Variants in TAFA2 observed in about 807,000 individuals in gnomAD.
TAFA2 encodes the protein chemokine-like protein TAFA-2.
TAFA2 carries 7 observed loss-of-function variants against 18.8 expected under a neutral mutation model. The ratio of observed to expected loss-of-function variants is 0.37; its 90% CI spans 0.21 to 0.70. The LOEUF is 0.70. Among genes scored for constraint, TAFA2 ranks in the 30% least tolerant of loss-of-function variants. The pLI is 0.53. For missense variants in TAFA2, 122 were observed against 158.1 expected, an observed-to-expected ratio of 0.77 and a Z score of 1.23; for synonymous variants, 60 against 54.2, an observed-to-expected ratio of 1.11 and a Z score of -0.47.
chr12:62,226,773 ATTC>A (rs1242237480), intron 1 of TAFA2, among the ~76,000 whole-genome samples: 4 of 152,168 alleles, frequency 2.6e-5, no homozygotes, highest in African/African-American at 9.7e-5. Flanking sequence ...TTAGTAATTT[ATTC>A]TTCTTTACTT....
At chr12:61,884,784 G>T (rs1459232878) in intron 1 of TAFA2, among the ~76,000 whole-genome samples, 2 of 151,806 alleles carry the variant, frequency 1.3e-5, no homozygotes, top group Admixed American at 1.3e-4. Flanking sequence ...CTATGATGAG[G>T]GTTACAATAA....
rs558928162 is a variant in TAFA2, at chr12:61,930,121, G to A, written c.-1-62695C>T. Among the ~76,000 whole-genome samples, 138 of 151,972 alleles carry A rather than the reference G, an allele frequency of 9.1e-4. 1 individual carries two copies. Among genetic ancestry groups the A allele is most frequent in the African/African-American group, 3.1e-3 (130 of 41,428 alleles). On this transcript the variant is annotated intron_variant, in intron 1 of 4. Transcript: ENST00000416284. The stretch of plus-strand genomic sequence containing the variant: ...GTATACATATGTAACAAGCCTACAC[G>A]TTGTGCACATGTACCCTAGAACTTT...
intron 1 of TAFA2, among the ~76,000 whole-genome samples, chr12:61,974,539 T>A (rs566893119): frequency 4.0e-5 from 6 of 151,836 alleles, no homozygotes; most frequent in Non-Finnish European, 8.8e-5. Flanking sequence ...CAATGGAAGT[T>A]TTAAGTATCA....
chr12:62,239,150 G>A (rs1399485869), intron 1 of TAFA2, among the ~76,000 whole-genome samples: 1 of 152,022 alleles, frequency 6.6e-6, no homozygotes, highest in Admixed American at 6.6e-5. Context: ...CTCCCTGACT[G>A]TTCAATCTAT....
At chr12:61,920,484 C>A (rs1437841146) in intron 1 of TAFA2, among the ~76,000 whole-genome samples, 1 of 152,088 alleles carries the variant, frequency 6.6e-6, no homozygotes, top group Admixed American at 6.6e-5. Context: ...TTAGTTTGCC[C>A]CATATATTTA....
At chr12:61,978,517 C>G (rs1294486018) in intron 1 of TAFA2, among the ~76,000 whole-genome samples, 1 of 151,934 alleles carries the variant, frequency 6.6e-6, no homozygotes, top group East Asian at 1.9e-4. Context: ...CTACATCAGA[C>G]AGAAGTACCA....
intron 1 of TAFA2, among the ~76,000 whole-genome samples, chr12:61,996,521 A>G (rs1002577424): frequency 6.6e-6 from 1 of 152,196 alleles, no homozygotes; most frequent in East Asian, 1.9e-4. Context: ...TCTTGCCTAC[A>G]TGGGAGCTGA....
chr12:62,004,994 A>G (rs1880499404), intron 1 of TAFA2, among the ~76,000 whole-genome samples: 1 of 152,134 alleles, frequency 6.6e-6, no homozygotes, highest in Non-Finnish European at 1.5e-5. Context: ...ACATAAAAAC[A>G]GAATAGAACA....
At chr12:61,980,071 T>C (rs1332245698) in intron 1 of TAFA2, among the ~76,000 whole-genome samples, 5 of 152,094 alleles carry the variant, frequency 3.3e-5, no homozygotes, top group Non-Finnish European at 7.4e-5. Flanking sequence ...ATATTTTATG[T>C]TTATGAACTG....
At chr12:61,998,050 G>A (rs1880258491) in intron 1 of TAFA2, among the ~76,000 whole-genome samples, 1 of 151,718 alleles carries the variant, frequency 6.6e-6, no homozygotes, top group Non-Finnish European at 1.5e-5. Context: ...ACAGTCAGGA[G>A]GGAAAAGAAA....
At chr12:61,826,262 C>A (rs1251490776) in intron 2 of TAFA2, among the ~76,000 whole-genome samples, 17 of 151,710 alleles carry the variant, frequency 1.1e-4, no homozygotes, top group Admixed American at 1.1e-3. Context: ...ACAGTACTAC[C>A]CTTTAAAAAA....
At chr12:62,117,894 T>G (rs1035788843) in intron 1 of TAFA2, among the ~76,000 whole-genome samples, 13 of 152,292 alleles carry the variant, frequency 8.5e-5, no homozygotes, top group Admixed American at 2.0e-4. Flanking sequence ...CTCTTTGTAC[T>G]TCAGGTGCAC....
intron 1 of TAFA2, among the ~76,000 whole-genome samples, chr12:62,216,843 A>G (rs1018452785): frequency 1.3e-5 from 2 of 152,172 alleles, no homozygotes; most frequent in African/African-American, 4.8e-5. Flanking sequence ...TTGGTTCACT[A>G]TTTCAGTGGT....
intron 1 of TAFA2, among the ~76,000 whole-genome samples, chr12:61,938,580 T>C (rs1196974029): frequency 6.6e-6 from 1 of 152,150 alleles, no homozygotes; most frequent in South Asian, 2.1e-4. Flanking sequence ...AGAAAAGTCA[T>C]TGTATCAAAA....
intron 2 of TAFA2, among the ~76,000 whole-genome samples, chr12:61,781,886 G>A (rs1870518464): frequency 6.6e-6 from 1 of 151,634 alleles, no homozygotes; most frequent in Admixed American, 6.6e-5. Flanking sequence ...AGGGATGGTT[G>A]CCGGGGGAAA....
intron 4 of TAFA2, chr12:61,720,813 C>T (rs952400650): frequency 4.7e-5 from 22 of 465,126 alleles, no homozygotes; most frequent in South Asian, 3.0e-4. Context: ...AGTGCTCCAA[C>T]ATGGAGCCAA....
chr12:62,103,982 C>T (rs1401122070), intron 1 of TAFA2, among the ~76,000 whole-genome samples: 1 of 152,134 alleles, frequency 6.6e-6, no homozygotes, highest in African/African-American at 2.4e-5. Context: ...ACATCAAGAC[C>T]TATTTTTAGA....
At chr12:61,877,298 A>T (rs1874894885) in intron 1 of TAFA2, among the ~76,000 whole-genome samples, 1 of 152,090 alleles carries the variant, frequency 6.6e-6, no homozygotes, top group Non-Finnish European at 1.5e-5. Flanking sequence ...TCTAACTTCT[A>T]TTTGCCATCA....
At chr12:61,996,469 T>G (rs1006510855) in intron 1 of TAFA2, among the ~76,000 whole-genome samples, 1 of 152,204 alleles carries the variant, frequency 6.6e-6, no homozygotes, top group African/African-American at 2.4e-5. Context: ...TTTCAATGTG[T>G]GTGCAAAGTT....
Sources: gnomAD v4.1 joint callset for allele counts (sites outside exome capture counted in the v4.1 genomes callset) on GRCh38, gnomAD v4.1.1 for gene constraint, MANE v1.5 for transcripts, NCBI Gene and HGNC (gene_info 2026-07-23, HGNC 2026-07-21) for gene names.